Variants in CTNNA3 observed in about 807,000 individuals in gnomAD.
CTNNA3 encodes the protein catenin alpha 3.
Under a neutral mutation model 95.7 loss-of-function variants are expected in CTNNA3, and 76 were observed. That is an observed-to-expected ratio of 0.79 (90% confidence interval 0.66 to 0.96). The LOEUF is 0.96. CTNNA3 is among the 40% of genes least tolerant of loss of function. The pLI, the probability that CTNNA3 is intolerant of heterozygous loss-of-function variation, is 0.00. For synonymous variants in CTNNA3, 431 were observed against 374.4 expected (o/e 1.15, Z -1.74); for missense variants, 1,191 against 1,089.8 (o/e 1.09, Z -1.31).
chr10:66,614,933 G>C (rs919924582), intron 10 of CTNNA3, among the ~76,000 whole-genome samples: 4 of 151,922 alleles, frequency 2.6e-5, no homozygotes, highest in Non-Finnish European at 5.9e-5. Flanking sequence ...TTGTTAATTA[G>C]TGAATCTTAT....
At chr10:66,252,419 TC>T (rs1344436432) in intron 13 of CTNNA3, among the ~76,000 whole-genome samples, 1 of 152,236 alleles carries the variant, frequency 6.6e-6, no homozygotes, top group Non-Finnish European at 1.5e-5. Flanking sequence ...ATTATGCATT[TC>T]TTTAGTCAAC....
chr10:66,608,697 C>T (rs919335268), intron 10 of CTNNA3, among the ~76,000 whole-genome samples: 2 of 152,044 alleles, frequency 1.3e-5, no homozygotes, highest in Non-Finnish European at 2.9e-5. Context: ...GAAAGGATTC[C>T]CTGTTCAATA....
chr10:66,128,426 T>A (rs908770124), intron 13 of CTNNA3, among the ~76,000 whole-genome samples: 1 of 152,050 alleles, frequency 6.6e-6, no homozygotes, highest in Non-Finnish European at 1.5e-5. Context: ...ATAGATATAC[T>A]GTGGTACATC....
chr10:67,365,273 T>C (rs560655399), intron 5 of CTNNA3, among the ~76,000 whole-genome samples: 4 of 152,202 alleles, frequency 2.6e-5, no homozygotes, highest in Admixed American at 6.5e-5. Context: ...ATAAAAACCC[T>C]AGAAGAAAAC....
intron 4 of CTNNA3, among the ~76,000 whole-genome samples, chr10:67,538,850 T>C (rs1840571789): frequency 6.6e-6 from 1 of 152,148 alleles, no homozygotes; most frequent in Non-Finnish European, 1.5e-5. Flanking sequence ...CTACTAATGA[T>C]TTGGTCAAAC....
intron 5 of CTNNA3, among the ~76,000 whole-genome samples, chr10:67,266,802 A>C (rs1207498503): frequency 1.3e-5 from 2 of 152,210 alleles, no homozygotes; most frequent in Non-Finnish European, 2.9e-5. Context: ...CTAAGAGAGT[A>C]AACTTCAAAT....
intron 7 of CTNNA3, among the ~76,000 whole-genome samples, chr10:67,011,170 A>G (rs1589598822): frequency 6.6e-6 from 1 of 152,032 alleles, no homozygotes; most frequent in East Asian, 1.9e-4. Flanking sequence ...TCTACTAAAA[A>G]TACAAAAAAT....
At chr10:66,427,585 T>C (rs996200013) in intron 11 of CTNNA3, among the ~76,000 whole-genome samples, 1 of 152,080 alleles carries the variant, frequency 6.6e-6, no homozygotes, top group Non-Finnish European at 1.5e-5. Flanking sequence ...ACATGGACAT[T>C]TGAAGTCATT....
chr10:65,949,460 T>C (rs1451568219), intron 17 of CTNNA3, among the ~76,000 whole-genome samples: 24 of 152,084 alleles, frequency 1.6e-4, no homozygotes, highest in Admixed American at 1.6e-3. Flanking sequence ...AAAGTGACAG[T>C]AAAGGACACA....
At chr10:66,408,868 C>T (rs1451088195) in intron 11 of CTNNA3, among the ~76,000 whole-genome samples, 1 of 152,098 alleles carries the variant, frequency 6.6e-6, no homozygotes, top group African/African-American at 2.4e-5. Flanking sequence ...GTTCTTCATA[C>T]TAATCTTTTT....
At chr10:66,509,583 T>G (rs941921319) in intron 11 of CTNNA3, among the ~76,000 whole-genome samples, 10 of 152,136 alleles carry the variant, frequency 6.6e-5, no homozygotes, top group African/African-American at 2.4e-4. Flanking sequence ...CTTCTGCATA[T>G]GAATATCCAG....
chr10:66,760,296 G>A (rs1401590848), intron 9 of CTNNA3, among the ~76,000 whole-genome samples: 1 of 152,078 alleles, frequency 6.6e-6, no homozygotes, highest in Non-Finnish European at 1.5e-5. Flanking sequence ...TCTAACCCGT[G>A]CAGCCTGATA....
At chr10:66,913,327 C>G (rs2182160) in intron 7 of CTNNA3, among the ~76,000 whole-genome samples, 130,778 of 149,536 alleles carry the variant, frequency 0.87, 57,386 homozygotes, top group East Asian at 0.99. Flanking sequence ...GTGCAAAATA[C>G]ATTGGAGGAT....
rs1402272275 is a variant in CTNNA3 at position 67,261,859 on chromosome 10, G to A, written c.580-41989C>T. Among the ~76,000 whole-genome samples, 35 of 152,110 alleles carry A rather than the reference G, an allele frequency of 2.3e-4. 1 individual carries two copies. Among genetic ancestry groups the A allele is most frequent in the Non-Finnish European group, 5.9e-5 (4 of 68,020 alleles). ...TTCAGTGATGCTGCCTCTAGTTCAT[G>A]TTGGGGATTTTTTTCTTTATGTATG... On this transcript the variant is annotated intron_variant, in intron 5 of 17. Coordinates refer to ENST00000433211, the MANE Select transcript of CTNNA3 (RefSeq NM_013266.4).
At chr10:66,068,403 T>C (rs528646733) in intron 15 of CTNNA3, among the ~76,000 whole-genome samples, 86 of 152,276 alleles carry the variant, frequency 5.6e-4, no homozygotes, top group Non-Finnish European at 1.1e-3. Context: ...AATCCTTTCT[T>C]TGTAAATTAT....
chr10:66,340,720 C>T (rs2132352773), intron 12 of CTNNA3, among the ~76,000 whole-genome samples: 1 of 151,442 alleles, frequency 6.6e-6, no homozygotes, highest in South Asian at 2.1e-4. Flanking sequence ...ATTTTAAATA[C>T]ATTATTAGAT....
chr10:67,350,177 C>G (rs192819223), intron 5 of CTNNA3, among the ~76,000 whole-genome samples: 1 of 152,042 alleles, frequency 6.6e-6, no homozygotes, highest in Non-Finnish European at 1.5e-5. Flanking sequence ...ACTCAGCTAG[C>G]GTGTGGCAGA....
intron 13 of CTNNA3, among the ~76,000 whole-genome samples, chr10:66,144,463 G>A (rs2083772954): frequency 6.6e-6 from 1 of 151,880 alleles, no homozygotes; most frequent in South Asian, 2.1e-4. Context: ...AATATATGGT[G>A]TTGGCTGGTT....
chr10:66,921,726 C>T (rs1287191895), intron 7 of CTNNA3, among the ~76,000 whole-genome samples: 4 of 151,948 alleles, frequency 2.6e-5, no homozygotes, highest in African/African-American at 9.7e-5. Context: ...CACTCCCAAT[C>T]TTCCTTATAT....
Sources: allele counts gnomAD v4.1 joint callset (sites outside exome capture counted in the v4.1 genomes callset), GRCh38; gene constraint gnomAD v4.1.1; transcripts MANE v1.5; gene names NCBI Gene and HGNC (gene_info 2026-07-23, HGNC 2026-07-21).